The following PUDP variants were observed in gnomAD, a reference collection of about 807,000 sequenced individuals.
The protein encoded by PUDP is pseudouridine-5'-phosphatase.
Under a neutral mutation model 9.4 loss-of-function variants are expected in PUDP, and 8 were observed. That is an observed-to-expected ratio of 0.85 (90% CI 0.50 to 1.53). The LOEUF (loss-of-function observed/expected upper bound fraction) is 1.53, where lower values mean the gene tolerates loss of function less well. Among genes scored for constraint, PUDP ranks in the 40% most tolerant of loss-of-function variants. The pLI is 0.00. For missense variants in PUDP, 188 were observed against 189.7 expected, an observed-to-expected ratio of 0.99 and a Z score of 0.05; for synonymous variants, 99 against 80.7, an observed-to-expected ratio of 1.23 and a Z score of -1.22.
At chrX:6,962,411 C>T (rs1345482302) in intron 3 of PUDP, among the ~76,000 whole-genome samples, 2 of 92,039 alleles carry the variant, frequency 2.2e-5, no homozygotes, top group African/African-American at 7.1e-5. Flanking sequence ...GTCTAGTTTT[C>T]AATCTTCCTT....
intron 3 of PUDP, among the ~76,000 whole-genome samples, chrX:6,792,864 C>G (rs1008307477): frequency 1.2e-4 from 14 of 112,760 alleles, no homozygotes; most frequent in African/African-American, 3.9e-4. Context: ...TCTTTTCTCT[C>G]TTATACACAC....
intron 3 of PUDP, among the ~76,000 whole-genome samples, chrX:6,918,716 G>C (rs1378689621): frequency 8.9e-6 from 1 of 111,737 alleles, no homozygotes; most frequent in Non-Finnish European, 1.9e-5. Flanking sequence ...TCACGTAGTG[G>C]AAGTGGGATC....
intron 3 of PUDP, among the ~76,000 whole-genome samples, chrX:7,053,633 G>A (rs1019401142): frequency 2.7e-5 from 3 of 112,000 alleles, no homozygotes; most frequent in African/African-American, 9.7e-5. Context: ...CATTCATGTG[G>A]AACTGTGAGT....
chrX:6,986,653 G>A (rs1234549766), intron 1 of PUDP, among the ~76,000 whole-genome samples: 1 of 111,564 alleles, frequency 9.0e-6, no homozygotes, highest in Non-Finnish European at 1.9e-5. Context: ...CCCAGGGCTC[G>A]GGTCTGACAT....
At chrX:7,142,876 C>T (rs1161578900) in intron 1 of PUDP, among the ~76,000 whole-genome samples, 1 of 110,771 alleles carries the variant, frequency 9.0e-6, no homozygotes, top group Admixed American at 9.6e-5. Flanking sequence ...GTCTCGAACT[C>T]CTGACCTCAA....
intron 3 of PUDP, among the ~76,000 whole-genome samples, chrX:6,754,643 ATATAT>A (rs1403326324): frequency 1.8e-5 from 2 of 108,826 alleles, no homozygotes; most frequent in African/African-American, 3.3e-5. Context: ...ATAAAATATT[ATATAT>A]TATATTTATT....
At chrX:7,032,724 T>C (rs1373265186) in intron 1 of PUDP, among the ~76,000 whole-genome samples, 1 of 111,681 alleles carries the variant, frequency 9.0e-6, no homozygotes, top group Non-Finnish European at 1.9e-5. Flanking sequence ...GGGTTGGTGA[T>C]ATGAGGAAAT....
intron 3 of PUDP, among the ~76,000 whole-genome samples, chrX:6,798,942 T>C (rs1451318497): frequency 1.8e-5 from 2 of 111,651 alleles, no homozygotes; most frequent in East Asian, 2.8e-4. Flanking sequence ...CACACCACCA[T>C]GACCAGCTAA....
At chrX:7,070,485 C>G (rs762610006) in intron 3 of PUDP, among the ~76,000 whole-genome samples, 89 of 111,069 alleles carry the variant, frequency 8.0e-4, no homozygotes, top group Non-Finnish European at 1.3e-3. Context: ...TGGCTGTGCC[C>G]GTAACTCAGT....
chrX:7,122,847 C>G (rs1219807692), intron 1 of PUDP, among the ~76,000 whole-genome samples: 4 of 112,572 alleles, frequency 3.6e-5, no homozygotes, highest in Non-Finnish European at 7.5e-5. Flanking sequence ...TCTCAACATA[C>G]TTTCAGTATT....
chrX:6,725,356 A>G (rs1399639019), upstream of PUDP, among the ~76,000 whole-genome samples: 2 of 111,616 alleles, frequency 1.8e-5, no homozygotes, highest in Non-Finnish European at 3.8e-5. Flanking sequence ...CATTATACCC[A>G]TTACATAATT....
chrX:6,931,039 C>T (rs755594181), intron 3 of PUDP, among the ~76,000 whole-genome samples: 14 of 110,965 alleles, frequency 1.3e-4, no homozygotes, highest in Non-Finnish European at 2.5e-4. Context: ...GTGTGTGATG[C>T]TTGGCCGCTG....
intron 3 of PUDP, among the ~76,000 whole-genome samples, chrX:6,845,230 A>G (rs1336790362): frequency 3.6e-5 from 4 of 112,010 alleles, no homozygotes; most frequent in Non-Finnish European, 5.6e-5. Context: ...TATATGGAAT[A>G]TAAGACCTAC....
At chrX:6,964,546 C>T (rs775447519) in intron 3 of PUDP, among the ~76,000 whole-genome samples, 2 of 110,891 alleles carry the variant, frequency 1.8e-5, no homozygotes, top group South Asian at 3.9e-4. Context: ...TGGTGGCACA[C>T]AACTATGGTC....
At chrX:7,028,457 G>A (rs1410175560) in intron 1 of PUDP, among the ~76,000 whole-genome samples, 1 of 111,444 alleles carries the variant, frequency 9.0e-6, no homozygotes, top group Non-Finnish European at 1.9e-5. Context: ...GAGAGGCCCC[G>A]ACTCATCCAG....
chrX:6,972,441 C>A (rs1242950509), intron 3 of PUDP, among the ~76,000 whole-genome samples: 1 of 111,933 alleles, frequency 8.9e-6, no homozygotes, highest in Non-Finnish European at 1.9e-5. Context: ...TATTGAAGGC[C>A]TTTTCTGCAT....
chrX:6,949,580 C>G (rs749876588), intron 3 of PUDP, among the ~76,000 whole-genome samples: 1 of 112,462 alleles, frequency 8.9e-6, no homozygotes, highest in Non-Finnish European at 1.9e-5. Flanking sequence ...CTTAATCTTT[C>G]TGCAGATAAC....
chrX:6,832,078 A>C (rs1275248930), intron 3 of PUDP, among the ~76,000 whole-genome samples: 1 of 111,966 alleles, frequency 8.9e-6, no homozygotes, highest in African/African-American at 3.2e-5. Flanking sequence ...ATAACAGGCC[A>C]AAAACTGCTC....
intron 3 of PUDP, among the ~76,000 whole-genome samples, chrX:6,750,850 A>C (rs1185402536): frequency 8.9e-6 from 1 of 111,928 alleles, no homozygotes; most frequent in Admixed American, 9.5e-5. Flanking sequence ...GTTCAGAAAT[A>C]CAATTGCGGC....
Sources: allele counts gnomAD v4.1 joint callset (sites outside exome capture counted in the v4.1 genomes callset), GRCh38; gene constraint gnomAD v4.1.1; transcripts MANE v1.5; gene names NCBI Gene and HGNC (gene_info 2026-07-23, HGNC 2026-07-21).